The following MAN1A2 variants were observed in gnomAD, a reference collection of about 807,000 sequenced individuals.
MAN1A2 encodes the protein mannosyl-oligosaccharide 1,2-alpha-mannosidase IB.
Under a neutral mutation model 75.7 loss-of-function variants are expected in MAN1A2, and 26 were observed. That is an observed-to-expected ratio of 0.34 (90% CI 0.25 to 0.48). MAN1A2 has a LOEUF of 0.48. Among genes scored for constraint, MAN1A2 ranks in the 20% least tolerant of loss-of-function variants. The probability of loss-of-function intolerance (pLI) is 0.99; values close to 1 mark genes in which losing one functional copy is unlikely to be tolerated. For synonymous variants in MAN1A2, 247 were observed against 264.6 expected (o/e 0.93, Z 0.65); for missense variants, 562 against 775.5 (o/e 0.72, Z 3.27).
intron 5 of MAN1A2, among the ~76,000 whole-genome samples, chr1:117,429,238 A>G (rs1413215075): frequency 7.0e-6 from 1 of 143,222 alleles, no homozygotes; most frequent in Non-Finnish European, 1.6e-5. Flanking sequence ...CGATTTCTCA[A>G]TCTTTTCCCC....
chr1:117,374,126 C>A (rs1474312495), intron 1 of MAN1A2, among the ~76,000 whole-genome samples: 1 of 151,894 alleles, frequency 6.6e-6, no homozygotes, highest in Non-Finnish European at 1.5e-5. Flanking sequence ...ATAGTGAGAC[C>A]CTGTCACTGC....
At chr1:117,477,137 G>A (rs868080205) in intron 8 of MAN1A2, among the ~76,000 whole-genome samples, 4 of 151,832 alleles carry the variant, frequency 2.6e-5, no homozygotes, top group South Asian at 2.1e-4. Context: ...AATTGAGGCA[G>A]TAATAGTCTA....
In MAN1A2 at chr1:117,442,325, G is replaced by C; in HGVS notation, c.950G>C (p.Ser317Thr). Residue 317 changes from serine (S) to threonine (T), a missense_variant and splice_region_variant, in exon 6 of 13, where the codon AGT becomes ACT. Physicochemically the swap from Ser to Thr is moderately conservative, Grantham distance 58 (BLOSUM62 1). Coordinates refer to ENST00000356554, the MANE Select transcript of MAN1A2 (RefSeq NM_006699.5). ...GIPWAMVNLK[S>T]GVGRNWGWAS... ...CCTTGGGCAATGGTGAATTTGAAAA[G>C]GTAACTCTATGTGGGTATTCTTATT... 6.3e-7 allele frequency: 1 copy of C among 1,591,472 alleles called. No individual in the cohort carries two copies. Among genetic ancestry groups the C allele is most frequent in the Non-Finnish European group, 8.6e-7 (1 of 1,159,824 alleles).
chr1:117,458,511 A>ATAT (rs1557959107), intron 6 of MAN1A2, among the ~76,000 whole-genome samples: 2 of 90,058 alleles, frequency 2.2e-5, no homozygotes, highest in Non-Finnish European at 4.4e-5. Flanking sequence ...ATATATATAT[A>ATAT]GATATATATA....
intron 8 of MAN1A2, among the ~76,000 whole-genome samples, chr1:117,482,116 G>T (rs947628229): frequency 1.3e-5 from 2 of 151,804 alleles, no homozygotes; most frequent in African/African-American, 4.8e-5. Context: ...CACGTGCAGG[G>T]TTTGATACAT....
chr1:117,474,382 A>T (rs996680437), intron 8 of MAN1A2, among the ~76,000 whole-genome samples: 3 of 75,174 alleles, frequency 4.0e-5, no homozygotes, highest in African/African-American at 2.0e-4. Context: ...CCAGTATTCC[A>T]TGAGTTTTTT....
At chr1:117,391,020 C>G (rs1033649521) in intron 1 of MAN1A2, among the ~76,000 whole-genome samples, 2 of 152,114 alleles carry the variant, frequency 1.3e-5, no homozygotes, top group African/African-American at 4.8e-5. Context: ...GCAATGATCA[C>G]CAGTCATCTA....
At chr1:117,497,814 T>A (rs1308023825) in intron 10 of MAN1A2, among the ~76,000 whole-genome samples, 3 of 151,832 alleles carry the variant, frequency 2.0e-5, no homozygotes, top group Admixed American at 6.6e-5. Context: ...TGAGTTTCTA[T>A]ATGAAGTAAT....
intron 11 of MAN1A2, 67 bp from the exon 12 acceptor site, chr1:117,502,788 A>G (rs1651241169): frequency 3.8e-6 from 3 of 793,778 alleles, no homozygotes; most frequent in Non-Finnish European, 6.5e-6. Context: ...TTGTCCTTCA[A>G]AGTTTTGTTG....
intron 5 of MAN1A2, among the ~76,000 whole-genome samples, chr1:117,439,987 C>T (rs1012763140): frequency 6.6e-6 from 1 of 152,106 alleles, no homozygotes; most frequent in Non-Finnish European, 1.5e-5. Context: ...TCTTAGATAG[C>T]CATATACTGT....
chr1:117,514,875 T>C (rs762525512), intron 12 of MAN1A2: 1 of 533,050 alleles, frequency 1.9e-6, no homozygotes, highest in Non-Finnish European at 3.9e-6. Flanking sequence ...AGAGAACTGT[T>C]TTTCCAGCTG....
chr1:117,476,902 A>G (rs941006756), intron 8 of MAN1A2, among the ~76,000 whole-genome samples: 7 of 151,976 alleles, frequency 4.6e-5, no homozygotes, highest in East Asian at 1.9e-4. Flanking sequence ...AAGAAAGTCA[A>G]TGGTAGCTTG....
In MAN1A2 at chr1:117,527,924, T is replaced by C. The variant is rs1652069757; in HGVS notation, c.*4967T>C. 6.6e-6 allele frequency: 1 copy of C among 152,096 alleles called. No individual in the cohort carries two copies. Among genetic ancestry groups the C allele is most frequent in the African/African-American group, 2.4e-5 (1 of 41,436 alleles). 9.4% of individuals were successfully genotyped at this position (152,096 alleles called of 1,614,324 possible). On this transcript the variant is annotated 3_prime_UTR_variant, in exon 13 of 13. Transcript: ENST00000356554. ...TATTTGGCAGCCACTATTCCTTTTTTAGACTGCAGAACGGTACTGCCCCTG... is the reference window on the plus strand; with the variant it reads ...TATTTGGCAGCCACTATTCCTTTTTCAGACTGCAGAACGGTACTGCCCCTG...
chr1:117,439,044 G>A (rs1648940182), intron 5 of MAN1A2, among the ~76,000 whole-genome samples: 1 of 152,106 alleles, frequency 6.6e-6, no homozygotes, highest in African/African-American at 2.4e-5. Flanking sequence ...GAGATTAGTG[G>A]GTGAGGATAT....
At chr1:117,500,756 A>G (rs888920283) in intron 11 of MAN1A2, among the ~76,000 whole-genome samples, 1 of 151,840 alleles carries the variant, frequency 6.6e-6, no homozygotes, top group Non-Finnish European at 1.5e-5. Context: ...CACAGCTACT[A>G]GTGAAATTCT....
chr1:117,403,845 C>T (rs914009008), intron 2 of MAN1A2, among the ~76,000 whole-genome samples: 4 of 152,022 alleles, frequency 2.6e-5, no homozygotes, highest in African/African-American at 9.7e-5. Flanking sequence ...AGGTTTGTTC[C>T]CAACTTTAGG....
At chr1:117,423,244 G>T (rs1463862507) in intron 5 of MAN1A2, among the ~76,000 whole-genome samples, 3 of 152,082 alleles carry the variant, frequency 2.0e-5, no homozygotes, top group Non-Finnish European at 4.4e-5. Flanking sequence ...CTTGATTTAT[G>T]TGTCTGTCTT....
At chr1:117,462,362 TATG>T (rs1649849103) in intron 7 of MAN1A2, among the ~76,000 whole-genome samples, 1 of 152,144 alleles carries the variant, frequency 6.6e-6, no homozygotes, top group South Asian at 2.1e-4. Flanking sequence ...GTTAAAAGAA[TATG>T]ATACAATTTT....
At chr1:117,503,030 A>G (rs376415125) in intron 12 of MAN1A2, 60 bp downstream of exon 12, 3 of 826,302 alleles carry the variant, frequency 3.6e-6, no homozygotes, top group East Asian at 5.7e-5. Flanking sequence ...TGTGATCACT[A>G]GATGATGAAT....
Sources: gnomAD v4.1 joint callset for allele counts (sites outside exome capture counted in the v4.1 genomes callset) on GRCh38, gnomAD v4.1.1 for gene constraint, MANE v1.5 for transcripts, NCBI Gene and HGNC (gene_info 2026-07-23, HGNC 2026-07-21) for gene names.